RBFOX1: variants seen among roughly 807,000 people sequenced by gnomAD.
RBFOX1 encodes the protein RNA binding fox-1 homolog 1, also known as RNA binding protein fox-1 homolog 1.
Under a neutral mutation model 57.7 loss-of-function variants are expected in RBFOX1, and 8 were observed. That is an observed-to-expected ratio of 0.14 (90% CI 0.08 to 0.25). RBFOX1 has a LOEUF of 0.25. RBFOX1 is among the 10% of genes least tolerant of loss of function. The probability of loss-of-function intolerance (pLI) is 1.00; values close to 1 mark genes in which losing one functional copy is unlikely to be tolerated. For synonymous variants in RBFOX1, 326 were observed against 222.4 expected (o/e 1.47, Z -4.15); for missense variants, 611 against 548.5 (o/e 1.11, Z -1.14).
chr16:5,428,087 TG>T (rs997960325), intron 1 of RBFOX1, among the ~76,000 whole-genome samples: 27 of 151,926 alleles, frequency 1.8e-4, no homozygotes, highest in African/African-American at 6.0e-4. Context: ...AAAGCACCCC[TG>T]GGGGTGGCTC....
At chr16:7,652,669 G>T (rs936948595) in intron 11 of RBFOX1, among the ~76,000 whole-genome samples, 1 of 152,192 alleles carries the variant, frequency 6.6e-6, no homozygotes, top group African/African-American at 2.4e-5. Context: ...GCCTCCCAAA[G>T]TGCTGGGATT....
At chr16:6,317,186 C>G in intron 2 of RBFOX1, 129 bp downstream of exon 2, 2 of 821,414 alleles carry the variant, frequency 2.4e-6, no homozygotes, top group Non-Finnish European at 3.8e-6. Flanking sequence ...CTATGTCTTT[C>G]TCTTCTGCCC....
At chr16:6,587,304 C>G (rs1423119598) in intron 2 of RBFOX1, among the ~76,000 whole-genome samples, 2 of 151,484 alleles carry the variant, frequency 1.3e-5, no homozygotes, top group Non-Finnish European at 2.9e-5. Flanking sequence ...TTTTTTGAGA[C>G]AAAGTCTCAC....
At chr16:5,383,051 G>C (rs2066168686) in intron 1 of RBFOX1, among the ~76,000 whole-genome samples, 1 of 152,202 alleles carries the variant, frequency 6.6e-6, no homozygotes, top group African/African-American at 2.4e-5. Context: ...GACCACCTCT[G>C]ATTGTTGCTT....
intron 1 of RBFOX1, among the ~76,000 whole-genome samples, chr16:6,206,935 GTAA>G (rs1400932109): frequency 6.7e-6 from 1 of 149,912 alleles, no homozygotes; most frequent in Non-Finnish European, 1.5e-5. Flanking sequence ...TGAGCACCTT[GTAA>G]TACACTTAAT....
At position 5,780,495 on chromosome 16, in the gene RBFOX1, G is replaced by T. The variant is rs550010673; in HGVS notation, c.319-86808G>T. Reference sequence around the variant, plus strand: ...GATAAAGATAAAATCATAATATCACGTTGTATACCATAGATATATACAGTG... The same window carrying T: ...GATAAAGATAAAATCATAATATCACTTTGTATACCATAGATATATACAGTG... On this transcript the variant is annotated intron_variant, in intron 3 of 19. Coordinates refer to the RBFOX1 transcript ENST00000641259. 7.0e-4 allele frequency among the ~76,000 whole-genome samples: 106 copies of T among 152,066 alleles called. 1 individual carries two copies. The highest frequency in any genetic ancestry group is 2.4e-3 in the African/African-American group (98 of 41,468).
chr16:7,136,947 G>T (rs1299667141), intron 4 of RBFOX1, among the ~76,000 whole-genome samples: 9 of 152,166 alleles, frequency 5.9e-5, no homozygotes, highest in Admixed American at 3.9e-4. Context: ...CCTCGTCATG[G>T]CCCATGGGCC....
chr16:6,509,921 C>T lies in RBFOX1; in HGVS notation c.-63-144682C>T, dbSNP rs556593358. On this transcript the variant is annotated intron_variant, in intron 2 of 15. Coordinates refer to ENST00000550418, the MANE Select transcript of RBFOX1 (RefSeq NM_018723.4). Reference sequence around the variant, plus strand: ...AAAATAAACTATATCCCTGATAATGCAGGAGACGCTCCATAAGTGATGGGA... The same window carrying T: ...AAAATAAACTATATCCCTGATAATGTAGGAGACGCTCCATAAGTGATGGGA... Among the ~76,000 whole-genome samples, 38 of 152,230 alleles carry T rather than the reference C, an allele frequency of 2.5e-4. No homozygotes were observed. The South Asian group carries it at 7.1e-3, about 28-fold the overall frequency.
At chr16:7,292,696 A>G (rs1855987095) in intron 4 of RBFOX1, among the ~76,000 whole-genome samples, 1 of 151,926 alleles carries the variant, frequency 6.6e-6, no homozygotes, top group South Asian at 2.1e-4. Context: ...TGTGCATTAA[A>G]AAGTCCAGCC....
chr16:6,887,881 C>T (rs566562456), intron 3 of RBFOX1, among the ~76,000 whole-genome samples: 3 of 152,190 alleles, frequency 2.0e-5, no homozygotes, highest in Admixed American at 6.5e-5. Flanking sequence ...AGGCTGGTCT[C>T]GAACTCCAGA....
intron 2 of RBFOX1, among the ~76,000 whole-genome samples, chr16:5,591,532 T>C (rs2047007303): frequency 6.6e-6 from 1 of 152,172 alleles, no homozygotes; most frequent in South Asian, 2.1e-4. Flanking sequence ...ATTACAGGCG[T>C]GAGTCACTGC....
At chr16:7,673,496 C>T (rs898887523) in intron 13 of RBFOX1, among the ~76,000 whole-genome samples, 2 of 152,098 alleles carry the variant, frequency 1.3e-5, no homozygotes, top group African/African-American at 4.8e-5. Context: ...CGCTTGATCC[C>T]AGGAGTTTGA....
chr16:5,503,548 A>G (rs2043275005), intron 2 of RBFOX1, among the ~76,000 whole-genome samples: 1 of 152,124 alleles, frequency 6.6e-6, no homozygotes, highest in South Asian at 2.1e-4. Flanking sequence ...GGTTCAAGCG[A>G]TTCTTGTGCC....
At chr16:7,221,348 T>TGA (rs139606316) in intron 4 of RBFOX1, among the ~76,000 whole-genome samples, 14,362 of 144,512 alleles carry the variant, frequency 0.099, 2,054 homozygotes, top group African/African-American at 0.32. Context: ...TATTTGATTA[T>TGA]TTATTTATTT....
At chr16:5,618,754 T>C (rs1008170830) in intron 3 of RBFOX1, among the ~76,000 whole-genome samples, 1 of 152,224 alleles carries the variant, frequency 6.6e-6, no homozygotes, top group Non-Finnish European at 1.5e-5. Flanking sequence ...TGAAGCCAGC[T>C]CAGGAAGGTA....
At chr16:7,084,816 C>T (rs921530265) in intron 4 of RBFOX1, among the ~76,000 whole-genome samples, 2 of 152,182 alleles carry the variant, frequency 1.3e-5, no homozygotes, top group African/African-American at 4.8e-5. Context: ...TCTCTCATGT[C>T]TGTCTGTATC....
intron 3 of RBFOX1, among the ~76,000 whole-genome samples, chr16:7,008,563 A>G (rs912213141): frequency 1.3e-5 from 2 of 151,906 alleles, no homozygotes; most frequent in African/African-American, 4.8e-5. Flanking sequence ...AATTCAGTGA[A>G]CAAGAGTAAA....
At chr16:6,681,304 C>G (rs185216878) in intron 3 of RBFOX1, among the ~76,000 whole-genome samples, 1 of 151,732 alleles carries the variant, frequency 6.6e-6, no homozygotes, top group Admixed American at 6.6e-5. Context: ...GGTGACAGAG[C>G]AAGAGCCTGT....
chr16:5,944,172 G>T (rs1478427851), intron 4 of RBFOX1, among the ~76,000 whole-genome samples: 1 of 152,160 alleles, frequency 6.6e-6, no homozygotes, highest in African/African-American at 2.4e-5. Context: ...TTGATCTAAT[G>T]ACCTCAACGA....
Sources: gnomAD v4.1 joint callset for allele counts (sites outside exome capture counted in the v4.1 genomes callset) on GRCh38, gnomAD v4.1.1 for gene constraint, MANE v1.5 for transcripts, NCBI Gene and HGNC (gene_info 2026-07-23, HGNC 2026-07-21) for gene names.